Variants in NRG3 observed in about 807,000 individuals in gnomAD.
NRG3 encodes pro-neuregulin-3, membrane-bound isoform.
A neutral mutation model predicts 66.9 loss-of-function variants in NRG3; 31 were observed. The ratio of observed to expected loss-of-function variants is 0.46; its 90% CI spans 0.35 to 0.63. The LOEUF (loss-of-function observed/expected upper bound fraction) is 0.63. NRG3 is among the 20% of genes least tolerant of loss of function. NRG3 has a pLI of 0.00. For synonymous variants in NRG3, 393 were observed against 359.4 expected, an observed-to-expected ratio of 1.09 and a Z score of -1.06; for missense variants, 910 against 878.9, an observed-to-expected ratio of 1.04 and a Z score of -0.45.
chr10:82,124,626 A>G (rs2068308547), intron 1 of NRG3, among the ~76,000 whole-genome samples: 1 of 151,846 alleles, frequency 6.6e-6, no homozygotes, highest in African/African-American at 2.4e-5. Context: ...GAGGGGCTTA[A>G]AACCTAGATG....
At chr10:82,095,599 G>A (rs2066287995) in intron 1 of NRG3, among the ~76,000 whole-genome samples, 1 of 152,194 alleles carries the variant, frequency 6.6e-6, no homozygotes, top group South Asian at 2.1e-4. Context: ...CAAATCTGAA[G>A]TGAAGTGAAA....
intron 1 of NRG3, chr10:82,166,878 C>A: frequency 3.3e-6 from 2 of 605,034 alleles, no homozygotes; most frequent in South Asian, 2.0e-5. Context: ...GTATTTTTTT[C>A]TCAGTAGTTT....
intron 6 of NRG3, among the ~76,000 whole-genome samples, chr10:82,963,407 G>C (rs1384182443): frequency 6.6e-6 from 1 of 152,198 alleles, no homozygotes; most frequent in Non-Finnish European, 1.5e-5. Context: ...TAGGCCGGGC[G>C]CGGTGGCTCA....
chr10:82,319,562 T>C (rs1245822212), intron 1 of NRG3, among the ~76,000 whole-genome samples: 3 of 152,204 alleles, frequency 2.0e-5, no homozygotes, highest in African/African-American at 4.8e-5. Context: ...AATTCTGAGA[T>C]TGTAACCAGA....
At chr10:82,773,896 ATG>A (rs1001942649) in intron 3 of NRG3, among the ~76,000 whole-genome samples, 1 of 152,124 alleles carries the variant, frequency 6.6e-6, no homozygotes, top group Non-Finnish European at 1.5e-5. Flanking sequence ...CAAAACTGTT[ATG>A]TGTTTTTATC....
At chr10:82,239,264 G>A (rs964092033) in intron 1 of NRG3, among the ~76,000 whole-genome samples, 6 of 151,924 alleles carry the variant, frequency 3.9e-5, no homozygotes, top group Non-Finnish European at 8.8e-5. Flanking sequence ...TTTTTGAGAT[G>A]GGAGTCTTGC....
chr10:82,113,523 G>A (rs2067514680), intron 1 of NRG3, among the ~76,000 whole-genome samples: 1 of 152,138 alleles, frequency 6.6e-6, no homozygotes, highest in Non-Finnish European at 1.5e-5. Flanking sequence ...GGTGATTTGG[G>A]TTATGAAAAA....
intron 2 of NRG3, among the ~76,000 whole-genome samples, chr10:82,494,611 C>T (rs1457959868): frequency 6.6e-6 from 1 of 151,988 alleles, no homozygotes; most frequent in Non-Finnish European, 1.5e-5. Flanking sequence ...AGATGTATTA[C>T]AAGAAAAAAA....
At chr10:82,556,755 A>G (rs1467165772) in intron 2 of NRG3, among the ~76,000 whole-genome samples, 1 of 152,022 alleles carries the variant, frequency 6.6e-6, no homozygotes. Flanking sequence ...TAAGACCAGT[A>G]CCCCATAGCT....
chr10:82,372,938 A>G (rs2084980278), intron 2 of NRG3, among the ~76,000 whole-genome samples: 1 of 152,166 alleles, frequency 6.6e-6, no homozygotes, highest in African/African-American at 2.4e-5. Flanking sequence ...CAGTTCTAAA[A>G]TTTTCCTAAA....
chr10:82,220,138 G>A (rs977820972), intron 1 of NRG3, among the ~76,000 whole-genome samples: 11 of 151,912 alleles, frequency 7.2e-5, no homozygotes, highest in Non-Finnish European at 1.2e-4. Context: ...GAAAAACCAA[G>A]AGTGGGAAGA....
At chr10:82,429,991 C>A (rs566190051) in intron 2 of NRG3, among the ~76,000 whole-genome samples, 14 of 152,058 alleles carry the variant, frequency 9.2e-5, no homozygotes, top group Non-Finnish European at 1.5e-4. Flanking sequence ...TTGTTGTTAC[C>A]ATGTCATTCT....
intron 4 of NRG3, among the ~76,000 whole-genome samples, chr10:82,873,159 T>A (rs1455176867): frequency 6.6e-6 from 1 of 152,130 alleles, no homozygotes; most frequent in Admixed American, 6.5e-5. Context: ...CATGGAAATT[T>A]CAACAGCAAA....
chr10:82,102,111 TTCATATATATATATGTGTATTC>T lies in NRG3; in HGVS notation c.823+225949_823+225970del, dbSNP rs1590117573. On this transcript the variant is annotated intron_variant, in intron 1 of 8. Coordinates refer to ENST00000372141, the MANE Select transcript of NRG3 (RefSeq NM_001010848.4). ...GTGTATTCATATATATATATGTGTA[TTCATATATATATATGTGTATTC>T]ATATATATATATATATATATATATA... Among the ~76,000 whole-genome samples the T allele has an allele frequency of 3.8e-3, 198 of 52,790 alleles. 5 individuals are homozygous for T. The highest frequency in any genetic ancestry group is 0.013 in the Admixed American group (60 of 4,786). 34.6% of individuals were successfully genotyped at this position (52,790 alleles called of 152,430 possible).
chr10:82,858,640 G>A (rs2063941106), intron 3 of NRG3, among the ~76,000 whole-genome samples: 1 of 152,148 alleles, frequency 6.6e-6, no homozygotes, highest in Non-Finnish European at 1.5e-5. Flanking sequence ...TACTTGACAG[G>A]GATCTGTGGG....
intron 2 of NRG3, among the ~76,000 whole-genome samples, chr10:82,417,060 C>A (rs1390119809): frequency 3.9e-5 from 6 of 152,112 alleles, no homozygotes; most frequent in Non-Finnish European, 8.8e-5. Context: ...CCAGATCTAT[C>A]CATTATTCCC....
At chr10:82,606,073 A>C (rs2047943977) in intron 2 of NRG3, among the ~76,000 whole-genome samples, 1 of 152,026 alleles carries the variant, frequency 6.6e-6, no homozygotes, top group Non-Finnish European at 1.5e-5. Context: ...AGCTTACTTT[A>C]AAATTAATAT....
At chr10:82,828,242 G>C (rs969446573) in intron 3 of NRG3, among the ~76,000 whole-genome samples, 1 of 152,140 alleles carries the variant, frequency 6.6e-6, no homozygotes, top group African/African-American at 2.4e-5. Context: ...ACTTCTGCTA[G>C]GAATGTACAA....
intron 2 of NRG3, among the ~76,000 whole-genome samples, chr10:82,726,806 C>G (rs1375868246): frequency 1.3e-5 from 2 of 152,092 alleles, no homozygotes; most frequent in Admixed American, 1.3e-4. Context: ...AAGGAAAACA[C>G]AGGAAAGTTT....
Sources: allele counts gnomAD v4.1 joint callset (sites outside exome capture counted in the v4.1 genomes callset), GRCh38; gene constraint gnomAD v4.1.1; transcripts MANE v1.5; gene names NCBI Gene and HGNC (gene_info 2026-07-23, HGNC 2026-07-21).